Variants in PARVB observed in about 807,000 individuals in gnomAD.
PARVB encodes parvin beta, also known as beta-parvin.
A neutral mutation model predicts 47.0 loss-of-function variants in PARVB; 46 were observed. The observed-to-expected ratio is 0.98, with a 90% confidence interval of 0.77 to 1.25. The LOEUF (loss-of-function observed/expected upper bound fraction) is 1.25. Among genes scored for constraint, PARVB ranks in the 50% most tolerant of loss-of-function variants. The probability of loss-of-function intolerance (pLI) is 0.00; values close to 1 mark genes in which losing one functional copy is unlikely to be tolerated. For synonymous variants in PARVB, 196 were observed against 196.3 expected (o/e 1.00, Z 0.01); for missense variants, 473 against 471.6 (o/e 1.00, Z -0.03).
At chr22:44,128,585 C>T (rs1267582434) in intron 4 of PARVB, among the ~76,000 whole-genome samples, 1 of 152,226 alleles carries the variant, frequency 6.6e-6, no homozygotes. Context: ...TTTCCACCAC[C>T]AAATTCATAT....
intron 8 of PARVB, chr22:44,146,873 C>G (rs1195814380): frequency 6.6e-6 from 1 of 152,454 alleles, no homozygotes; most frequent in Non-Finnish European, 1.5e-5. Flanking sequence ...GTCCTCTGAA[C>G]ATGCTCTGCC....
chr22:44,040,044 T>C (rs1490591639), intron 1 of PARVB: 1 of 274,392 alleles, frequency 3.6e-6, no homozygotes, highest in African/African-American at 2.3e-5. Context: ...TCTGGGGCTG[T>C]GGGCAGGAGT....
chr22:44,000,226 T>G (rs796943774), intron 2 of PARVB, among the ~76,000 whole-genome samples: 3 of 152,374 alleles, frequency 2.0e-5, no homozygotes, highest in African/African-American at 7.2e-5. Context: ...GGCTAGATGA[T>G]TTTTAACACC....
intron 1 of PARVB, among the ~76,000 whole-genome samples, chr22:44,028,617 G>A (rs998355896): frequency 7.2e-5 from 11 of 152,330 alleles, no homozygotes; most frequent in Admixed American, 2.6e-4. Flanking sequence ...GTACATCTAC[G>A]TGTAGGTTTT....
chr22:44,090,480 GA>G (rs1388499361), intron 1 of PARVB, among the ~76,000 whole-genome samples: 1 of 152,218 alleles, frequency 6.6e-6, no homozygotes, highest in Non-Finnish European at 1.5e-5. Flanking sequence ...GGGCGGTGTG[GA>G]AATCTCTGTT....
chr22:44,083,042 G>A (rs998481743), intron 1 of PARVB, among the ~76,000 whole-genome samples: 5 of 152,112 alleles, frequency 3.3e-5, no homozygotes, highest in African/African-American at 4.8e-5. Context: ...GCTTGTACTA[G>A]CAAGTCCCTA....
intron 1 of PARVB, among the ~76,000 whole-genome samples, chr22:44,054,122 G>A (rs1200098801): frequency 6.6e-6 from 1 of 152,216 alleles, no homozygotes; most frequent in Non-Finnish European, 1.5e-5. Context: ...CCTCTCTGGA[G>A]TGAGGGTCTC....
At chr22:44,034,489 C>T (rs2050884597) in intron 1 of PARVB, among the ~76,000 whole-genome samples, 2 of 151,806 alleles carry the variant, frequency 1.3e-5, no homozygotes. Context: ...GAACTCCTGG[C>T]CTCAAGGGAT....
Position 44,049,593 on chromosome 22 carries a change from G to A in PARVB, c.112+25142G>A, listed in dbSNP as rs150892558. Among the ~76,000 whole-genome samples, 253 of 152,324 alleles carry A rather than the reference G, an allele frequency of 1.7e-3. No individual in the cohort carries two copies. Among genetic ancestry groups the A allele is most frequent in the Admixed American group, 3.2e-3 (49 of 15,298 alleles). On this transcript the variant is annotated intron_variant, in intron 1 of 12. Transcript: ENST00000338758. The surrounding 1 kb of genome is among the most constrained non-coding windows in gnomAD (Gnocchi z 4.0). ...GCGATAAAAGGCCTGCTGAGGAAGC[G>A]GCCCCACTCCCAGCACAGCCCCATT...
At chr22:44,046,982 C>G (rs945868482) in intron 1 of PARVB, among the ~76,000 whole-genome samples, 2 of 151,990 alleles carry the variant, frequency 1.3e-5, no homozygotes, top group African/African-American at 4.8e-5. Context: ...GGGGATGGCC[C>G]GGGGGCCGTA....
At chr22:44,160,506 C>G (rs1042405780) in intron 11 of PARVB, among the ~76,000 whole-genome samples, 1 of 152,200 alleles carries the variant, frequency 6.6e-6, no homozygotes, top group African/African-American at 2.4e-5. Context: ...CTGGTCTCTG[C>G]TGGGCCTTGG....
chr22:44,054,378 C>T (rs1358555107), intron 1 of PARVB, among the ~76,000 whole-genome samples: 1 of 152,170 alleles, frequency 6.6e-6, no homozygotes, highest in African/African-American at 2.4e-5. Context: ...CAACGCTTGG[C>T]TAACTTTTAA....
chr22:44,061,143 A>G (rs1388871388), intron 1 of PARVB, among the ~76,000 whole-genome samples: 1 of 152,048 alleles, frequency 6.6e-6, no homozygotes, highest in African/African-American at 2.4e-5. Context: ...TAAACAGCAA[A>G]GTTGGCTGGG....
intron 1 of PARVB, chr22:44,081,559 G>A (rs546592563): frequency 3.1e-6 from 3 of 982,796 alleles, no homozygotes; most frequent in African/African-American, 3.5e-5. Flanking sequence ...TCACAACTTG[G>A]GAACCAGCGA....
At chr22:44,136,611 T>C in intron 7 of PARVB, 93 bp downstream of exon 7, 2 of 1,026,350 alleles carry the variant, frequency 1.9e-6, no homozygotes, top group Non-Finnish European at 3.1e-6. Flanking sequence ...CCAGCGCCCA[T>C]GGGGCTGCTC....
intron 2 of PARVB, among the ~76,000 whole-genome samples, chr22:44,002,865 T>C (rs1197505202): frequency 6.6e-6 from 1 of 152,106 alleles, no homozygotes; most frequent in Non-Finnish European, 1.5e-5. Flanking sequence ...GTGCCAGAGT[T>C]GTAGCTTTAT....
intron 9 of PARVB, chr22:44,149,689 G>C (rs1023910398): frequency 6.6e-6 from 1 of 152,224 alleles, no homozygotes; most frequent in African/African-American, 2.4e-5. Context: ...TCCCTGTAGT[G>C]CCCTATCTCT....
At chr22:44,011,550 G>A (rs1208172985) in intron 2 of PARVB, among the ~76,000 whole-genome samples, 1 of 152,084 alleles carries the variant, frequency 6.6e-6, no homozygotes, top group African/African-American at 2.4e-5. Flanking sequence ...GCTTGAACCT[G>A]GGAGGCAGAG....
intron 1 of PARVB, among the ~76,000 whole-genome samples, chr22:44,076,148 G>A: frequency 6.6e-6 from 1 of 152,260 alleles, no homozygotes; most frequent in South Asian, 2.1e-4. Flanking sequence ...CTCAATGCTA[G>A]GCCTGTTGTG....
Sources: gnomAD v4.1 joint callset for allele counts (sites outside exome capture counted in the v4.1 genomes callset) on GRCh38, gnomAD v4.1.1 for gene constraint, Gnocchi (gnomAD v3.1) non-coding constraint, MANE v1.5 for transcripts, NCBI Gene and HGNC (gene_info 2026-07-23, HGNC 2026-07-21) for gene names.